TIAM2: variants seen among roughly 807,000 people sequenced by gnomAD.
TIAM2 encodes TIAM Rac1 associated GEF 2, also known as rho guanine nucleotide exchange factor TIAM2.
A neutral mutation model predicts 152.9 loss-of-function variants in TIAM2; 80 were observed. That is an observed-to-expected ratio of 0.52 (90% confidence interval 0.44 to 0.63). The LOEUF (loss-of-function observed/expected upper bound fraction) is 0.63, where lower values mean the gene tolerates loss of function less well. Ranked by LOEUF, TIAM2 falls within the 30% of genes least tolerant of loss-of-function variation. The pLI is 0.00. For synonymous variants in TIAM2, 804 were observed against 838.0 expected (o/e 0.96, Z 0.70); for missense variants, 1,965 against 2,120.1 (o/e 0.93, Z 1.44).
At chr6:155,144,534 C>G in intron 5 of TIAM2, 72 bp from the exon 6 acceptor site, 1 of 1,388,978 alleles carries the variant, frequency 7.2e-7, no homozygotes, top group Non-Finnish European at 9.4e-7. Context: ...AAAAGTGTGT[C>G]ACTTACCCTC....
At chr6:155,255,195 T>A (rs1364085382) in intron 26 of TIAM2, 1 of 152,302 alleles carries the variant, frequency 6.6e-6, no homozygotes, top group Non-Finnish European at 1.5e-5. Flanking sequence ...GCCGCAGTGG[T>A]TAGTAGGTAC....
At chr6:155,229,038 C>A (rs770195973) in intron 15 of TIAM2, among the ~76,000 whole-genome samples, 15 of 152,250 alleles carry the variant, frequency 9.9e-5, no homozygotes, top group Non-Finnish European at 1.9e-4. Context: ...TTCCTCCAGA[C>A]AGCGGGTGGC....
chr6:155,122,617 TA>T (rs1562323368), intron 2 of TIAM2, among the ~76,000 whole-genome samples: 1 of 152,100 alleles, frequency 6.6e-6, no homozygotes, highest in African/African-American at 2.4e-5. Context: ...AAAATAATTA[TA>T]AAAAAGTTTG....
intron 14 of TIAM2, among the ~76,000 whole-genome samples, chr6:155,193,017 C>A (rs997102134): frequency 6.6e-6 from 1 of 152,148 alleles, no homozygotes; most frequent in African/African-American, 2.4e-5. Flanking sequence ...TTTACTCATG[C>A]GTGATTTCAT....
In TIAM2 at chr6:155,254,067, C is replaced by G. The variant is rs767899469; in HGVS notation, c.4313+7C>G. The G allele has an allele frequency of 1.2e-6, 2 of 1,612,296 alleles. No homozygotes were observed. The highest frequency in any genetic ancestry group is 1.7e-6 in the Non-Finnish European group (2 of 1,179,200). ...TCTTTCAGTTGTGTTGCAGGTATGA[C>G]TGACTTCCAAAGATTAAAACCAACA... On this transcript the variant is annotated splice_region_variant and intron_variant, in intron 25 of 26. Coordinates refer to ENST00000682666, the MANE Select transcript of TIAM2 (RefSeq NM_012454.4).
intron 14 of TIAM2, among the ~76,000 whole-genome samples, chr6:155,206,602 T>G (rs910561688): frequency 6.6e-6 from 1 of 152,110 alleles, no homozygotes; most frequent in Non-Finnish European, 1.5e-5. Flanking sequence ...CCGTGGCACC[T>G]TGTACTTGGT....
chr6:155,203,737 G>A (rs1781534813), intron 14 of TIAM2, among the ~76,000 whole-genome samples: 1 of 152,050 alleles, frequency 6.6e-6, no homozygotes. Flanking sequence ...TGAGATGAGA[G>A]TCCCACTGAA....
chr6:155,220,066 C>T (rs1781990413), intron 15 of TIAM2, among the ~76,000 whole-genome samples: 1 of 152,232 alleles, frequency 6.6e-6, no homozygotes, highest in Admixed American at 6.5e-5. Context: ...CCCTTCCCGT[C>T]AGCTGGGCTG....
intron 21 of TIAM2, chr6:155,250,505 T>G: frequency 6.6e-7 from 1 of 1,522,726 alleles, no homozygotes; most frequent in Non-Finnish European, 8.8e-7. Flanking sequence ...TCCTTCACTC[T>G]GGCCAGTTTC....
chr6:155,126,591 C>T (rs897080234), intron 2 of TIAM2, among the ~76,000 whole-genome samples: 3 of 152,062 alleles, frequency 2.0e-5, no homozygotes, highest in South Asian at 4.2e-4. Flanking sequence ...ATTAGCTGGG[C>T]GTGGTGGTGC....
At chr6:155,128,736 C>T (rs72564024) in intron 3 of TIAM2, among the ~76,000 whole-genome samples, 10,839 of 151,102 alleles carry the variant, frequency 0.072, 660 homozygotes, top group East Asian at 0.27. Flanking sequence ...AGTGGTAGCA[C>T]GTGCCTATAG....
At chr6:155,056,992 AG>A (rs1390690764) in intron 1 of TIAM2, among the ~76,000 whole-genome samples, 2 of 135,470 alleles carry the variant, frequency 1.5e-5, no homozygotes, top group Admixed American at 7.5e-5. Context: ...ATAGTTTGCT[AG>A]TAGAATGTTC....
chr6:155,199,449 G>GT (rs1369234166), intron 14 of TIAM2, among the ~76,000 whole-genome samples: 8 of 152,090 alleles, frequency 5.3e-5, no homozygotes, highest in Admixed American at 3.9e-4. Flanking sequence ...TTTGGGGATA[G>GT]TAACATTTGT....
chr6:155,179,525 T>A, intron 12 of TIAM2, 69 bp downstream of exon 12: 2 of 1,434,904 alleles, frequency 1.4e-6, no homozygotes, highest in Non-Finnish European at 1.9e-6. Flanking sequence ...CCCAGCATCT[T>A]TGGACTTAAT....
intron 14 of TIAM2, among the ~76,000 whole-genome samples, chr6:155,198,666 C>CAAAAAAAAAAAAAAAAAAAAAAAA (rs10626644): frequency 2.8e-5 from 2 of 70,360 alleles, no homozygotes; most frequent in Non-Finnish European, 4.9e-5. Context: ...GAGCAAATCT[C>CAAAAAAAAAAAAAAAAAAAAAAAA]AAAAAAAAAA....
chr6:155,230,886 T>C (rs1782443438), intron 15 of TIAM2, among the ~76,000 whole-genome samples: 1 of 150,184 alleles, frequency 6.7e-6, no homozygotes, highest in African/African-American at 2.4e-5. Flanking sequence ...CAGGCTGGAG[T>C]ACAGTGGAAC....
At chr6:155,217,205 A>C in intron 15 of TIAM2, 1 of 1,153,574 alleles carries the variant, frequency 8.7e-7, no homozygotes, top group Non-Finnish European at 1.1e-6. Context: ...AAATGTCTAA[A>C]GACTGATATG....
intron 17 of TIAM2, 80 bp from the exon 18 acceptor site, chr6:155,244,574 GATTT>G (rs752293478): frequency 8.8e-6 from 13 of 1,478,452 alleles, no homozygotes; most frequent in African/African-American, 1.4e-5. Flanking sequence ...ATTTCCTTGT[GATTT>G]ATTTGTGGGC....
intron 1 of TIAM2, among the ~76,000 whole-genome samples, chr6:155,066,517 C>T (rs1777697144): frequency 6.6e-6 from 1 of 152,156 alleles, no homozygotes; most frequent in African/African-American, 2.4e-5. Context: ...AGCCGGAAGC[C>T]GCTTTTGGTG....
Sources: gnomAD v4.1 joint callset for allele counts (sites outside exome capture counted in the v4.1 genomes callset) on GRCh38, gnomAD v4.1.1 for gene constraint, MANE v1.5 for transcripts, NCBI Gene and HGNC (gene_info 2026-07-23, HGNC 2026-07-21) for gene names.